Variants in NCOA2 observed in about 807,000 individuals in gnomAD.
NCOA2 encodes nuclear receptor coactivator 2, also known as class E basic helix-loop-helix protein 75.
Under a neutral mutation model 145.1 loss-of-function variants are expected in NCOA2, and 21 were observed. The observed-to-expected ratio is 0.14, with a 90% confidence interval of 0.10 to 0.21. NCOA2 has a LOEUF of 0.21. NCOA2 is among the 10% of genes least tolerant of loss of function. NCOA2 has a pLI of 1.00. For missense variants in NCOA2, 1,472 were observed against 1,837.6 expected, an observed-to-expected ratio of 0.80 and a Z score of 3.64; for synonymous variants, 619 against 637.5, an observed-to-expected ratio of 0.97 and a Z score of 0.44.
Position 70,151,801 on chromosome 8 carries a change from G to GT in NCOA2, c.2395-3319dup, listed in dbSNP as rs781523791. Among the ~76,000 whole-genome samples the GT allele has an allele frequency of 2.0e-4, 31 of 152,174 alleles. No homozygotes were observed. In the South Asian group the frequency reaches 6.4e-3, roughly 32 times the overall value. On this transcript the variant is annotated intron_variant, in intron 11 of 22. Transcript: ENST00000452400. ...GAGTACACATTTAACATTAATTGTC[G>GT]TAAGTTCACTTTACATGTTCTTCTT...
the NCOA2 span, among the ~76,000 whole-genome samples, chr8:70,416,369 GACT>G: frequency 9.9e-3 from 1,501 of 152,102 alleles, 34 homozygotes; most frequent in African/African-American, 0.034. Context: ...AATCACCACA[GACT>G]ACTATTTCTC....
At chr8:70,117,264 A>G (rs1226870664) in intron 22 of NCOA2, among the ~76,000 whole-genome samples, 1 of 152,172 alleles carries the variant, frequency 6.6e-6, no homozygotes, top group Non-Finnish European at 1.5e-5. Flanking sequence ...CCAGTTCTCT[A>G]AGTCTTCAGA....
At chr8:70,388,668 T>C (rs997817560) in intron 1 of NCOA2, among the ~76,000 whole-genome samples, 1 of 152,124 alleles carries the variant, frequency 6.6e-6, no homozygotes, top group Non-Finnish European at 1.5e-5. Context: ...TTTTGCTGAA[T>C]AAACAAACAA....
chr8:70,416,837 T>C, the NCOA2 span, among the ~76,000 whole-genome samples: 1 of 152,206 alleles, frequency 6.6e-6, no homozygotes, highest in Non-Finnish European at 1.5e-5. Flanking sequence ...CACTTCTCAT[T>C]AGGCTCATCT....
At chr8:70,344,600 G>C (rs1179575283) in intron 1 of NCOA2, among the ~76,000 whole-genome samples, 1 of 152,178 alleles carries the variant, frequency 6.6e-6, no homozygotes, top group African/African-American at 2.4e-5. Flanking sequence ...TTAATGGTGA[G>C]CTGTTTCTGG....
chr8:70,315,652 A>G (rs1486212470), intron 1 of NCOA2, among the ~76,000 whole-genome samples: 2 of 152,220 alleles, frequency 1.3e-5, no homozygotes, highest in African/African-American at 2.4e-5. Flanking sequence ...AATAAAGGAA[A>G]AGAAAGCCAT....
intron 6 of NCOA2, among the ~76,000 whole-genome samples, chr8:70,169,761 T>TA (rs913201132): frequency 2.0e-5 from 3 of 151,884 alleles, no homozygotes; most frequent in African/African-American, 7.3e-5. Flanking sequence ...TGCACAAAAA[T>TA]AAAAAATTAA....
At chr8:70,225,980 C>T (rs1323509740) in intron 2 of NCOA2, among the ~76,000 whole-genome samples, 1 of 151,830 alleles carries the variant, frequency 6.6e-6, no homozygotes, top group African/African-American at 2.4e-5. Flanking sequence ...GAGCAGCTGG[C>T]ATATAGTAAG....
At chr8:70,290,184 ATTTTTTT>A (rs918257984) in intron 2 of NCOA2, among the ~76,000 whole-genome samples, 2 of 122,302 alleles carry the variant, frequency 1.6e-5, no homozygotes, top group Non-Finnish European at 3.4e-5. Context: ...ATTTCCATTG[ATTTTTTT>A]TTTTTTTTTT....
At chr8:70,344,051 C>T (rs1267127963) in intron 1 of NCOA2, among the ~76,000 whole-genome samples, 1 of 152,086 alleles carries the variant, frequency 6.6e-6, no homozygotes, top group Non-Finnish European at 1.5e-5. Context: ...ATTCTATGGC[C>T]AGCAACAAAA....
the NCOA2 span, among the ~76,000 whole-genome samples, chr8:70,429,703 T>C: frequency 6.6e-6 from 1 of 152,020 alleles, no homozygotes; most frequent in South Asian, 2.1e-4. Context: ...ACATATGAGG[T>C]TTTAAATCTC....
intron 1 of NCOA2, among the ~76,000 whole-genome samples, chr8:70,306,172 G>A (rs1275830346): frequency 1.3e-5 from 2 of 152,128 alleles, no homozygotes; most frequent in Admixed American, 6.5e-5. Flanking sequence ...GGAAAAAATT[G>A]AGATCTAGAG....
At chr8:70,455,999 C>T in the NCOA2 span, among the ~76,000 whole-genome samples, 1 of 151,288 alleles carries the variant, frequency 6.6e-6, no homozygotes, top group African/African-American at 2.4e-5. Flanking sequence ...TCCCAAAGCA[C>T]TTTGCATGCA....
At chr8:70,236,852 T>C (rs1821658705) in intron 2 of NCOA2, among the ~76,000 whole-genome samples, 2 of 152,188 alleles carry the variant, frequency 1.3e-5, no homozygotes, top group Non-Finnish European at 2.9e-5. Context: ...TGAGCATTGG[T>C]GGACTTGGGT....
intron 1 of NCOA2, among the ~76,000 whole-genome samples, chr8:70,370,457 G>C (rs1006130535): frequency 6.6e-6 from 1 of 152,116 alleles, no homozygotes; most frequent in African/African-American, 2.4e-5. Flanking sequence ...GTTTGTGGCA[G>C]CTAAAAGGAC....
chr8:70,260,263 G>A (rs193185065), intron 2 of NCOA2, among the ~76,000 whole-genome samples: 13 of 152,100 alleles, frequency 8.5e-5, no homozygotes, highest in Admixed American at 1.3e-4. Flanking sequence ...CCGCAGCCTC[G>A]ACCTCCTGGG....
intron 2 of NCOA2, among the ~76,000 whole-genome samples, chr8:70,253,488 T>C (rs1244737041): frequency 2.0e-5 from 3 of 151,906 alleles, no homozygotes; most frequent in African/African-American, 7.3e-5. Flanking sequence ...TTAGGGACAA[T>C]AGTTAGGAAG....
At chr8:70,257,610 A>T (rs1823738555) in intron 2 of NCOA2, among the ~76,000 whole-genome samples, 1 of 152,178 alleles carries the variant, frequency 6.6e-6, no homozygotes, top group African/African-American at 2.4e-5. Flanking sequence ...TTGCTAAACT[A>T]AGGCAGCACG....
At chr8:70,312,848 G>A (rs893515736) in intron 1 of NCOA2, among the ~76,000 whole-genome samples, 2 of 151,670 alleles carry the variant, frequency 1.3e-5, no homozygotes, top group African/African-American at 2.4e-5. Context: ...GTGTACTCTC[G>A]TGACACAAAT....
Sources: gnomAD v4.1 joint callset for allele counts (sites outside exome capture counted in the v4.1 genomes callset) on GRCh38, gnomAD v4.1.1 for gene constraint, MANE v1.5 for transcripts, NCBI Gene and HGNC (gene_info 2026-07-23, HGNC 2026-07-21) for gene names.